The following UTRN variants were observed in gnomAD, a reference collection of about 807,000 sequenced individuals.
UTRN encodes the protein dystrophin-related protein 1.
UTRN carries 283 observed loss-of-function variants against 463.9 expected under a neutral mutation model. The ratio of observed to expected loss-of-function variants is 0.61; its 90% CI spans 0.55 to 0.67. The LOEUF (loss-of-function observed/expected upper bound fraction) is 0.67. UTRN is among the 30% of genes least tolerant of loss of function. The pLI, the probability that UTRN is intolerant of heterozygous loss-of-function variation, is 0.00. For missense variants in UTRN, 3,922 were observed against 4,084.3 expected (o/e 0.96, Z 1.08); for synonymous variants, 1,442 against 1,431.5 (o/e 1.01, Z -0.17).
intron 43 of UTRN, among the ~76,000 whole-genome samples, chr6:144,536,484 T>A (rs1235853558): frequency 6.6e-6 from 1 of 152,132 alleles, no homozygotes; most frequent in East Asian, 1.9e-4. Context: ...TCTTTCTTGA[T>A]GGATACTTAA....
intron 45 of UTRN, among the ~76,000 whole-genome samples, chr6:144,541,059 C>A (rs942026510): frequency 2.0e-5 from 3 of 152,204 alleles, no homozygotes; most frequent in African/African-American, 7.2e-5. Flanking sequence ...CACTCATCTC[C>A]CCTGCTTCTT....
At chr6:144,363,928 A>C (rs936764712) in intron 2 of UTRN, among the ~76,000 whole-genome samples, 1 of 152,202 alleles carries the variant, frequency 6.6e-6, no homozygotes, top group African/African-American at 2.4e-5. Flanking sequence ...TCTGAATTTA[A>C]AGGCAGTGGG....
chr6:144,449,954 C>G (rs887966614), intron 17 of UTRN, among the ~76,000 whole-genome samples: 2 of 152,026 alleles, frequency 1.3e-5, no homozygotes, highest in East Asian at 3.9e-4. Flanking sequence ...GTGAGGATTC[C>G]TTGAGTTAAT....
At position 144,554,790 on chromosome 6, in the gene UTRN, A is replaced by T; in HGVS notation, c.7031A>T (p.His2344Leu). Residue 2344 changes from histidine to leucine, a missense_variant, in exon 49 of 75, where the codon CAT becomes CTT. His to Leu is a moderately conservative substitution (Grantham distance 99). This residue lies in a region of UTRN where 1,309 missense variants were observed against 1,452.6 expected (regional missense o/e 0.90). Coordinates refer to ENST00000367545, the MANE Select transcript of UTRN (RefSeq NM_007124.3). ...ATTGACAGTCTTCAGTGGGATGACCATAGGGAGGAGACTGAAGAACTGATG... is the reference window on the plus strand; with the variant it reads ...ATTGACAGTCTTCAGTGGGATGACCTTAGGGAGGAGACTGAAGAACTGATG... Reference protein sequence around the residue: ...MIIDSLQWDDHREETEELMRK... With the variant: ...MIIDSLQWDDLREETEELMRK... 1 of 1,614,122 alleles carries T rather than the reference A, an allele frequency of 6.2e-7. No individual in the cohort carries two copies. Among genetic ancestry groups the T allele is most frequent in the Non-Finnish European group, 8.5e-7 (1 of 1,179,994 alleles).
chr6:144,821,791 C>A (rs1048911451), intron 66 of UTRN, among the ~76,000 whole-genome samples: 1 of 151,978 alleles, frequency 6.6e-6, no homozygotes. Context: ...GATTTTAAAT[C>A]TTTGAATTGC....
chr6:144,505,625 T>G (rs140366529), intron 34 of UTRN, among the ~76,000 whole-genome samples: 1 of 152,242 alleles, frequency 6.6e-6, no homozygotes, highest in Non-Finnish European at 1.5e-5. Context: ...AGACTGTTTG[T>G]TACGATTTCT....
At chr6:144,659,124 A>G (rs1779608449) in intron 51 of UTRN, among the ~76,000 whole-genome samples, 1 of 152,128 alleles carries the variant, frequency 6.6e-6, no homozygotes, top group African/African-American at 2.4e-5. Flanking sequence ...TGTGATTTGT[A>G]TTGTTTTGTA....
In UTRN at chr6:144,301,539, T is replaced by TC. The variant is rs1273918828; in HGVS notation, c.79+9632_79+9633insC. Among the ~76,000 whole-genome samples, 4 of 72,534 alleles carry TC rather than the reference T, an allele frequency of 5.5e-5. No individual in the cohort carries two copies. The African/African-American group carries it at 1.3e-3, about 24-fold the overall frequency. The allele number at this position is 72,534 out of a possible 152,430, so 47.6% of individuals were successfully genotyped here. Reference sequence around the variant, plus strand: ...GCCATCCTATCTTTCTTTCTTTCTTTTTTTTTTTTTTTTTTTTTTTTTGAG... The same window carrying TC: ...GCCATCCTATCTTTCTTTCTTTCTTTCTTTTTTTTTTTTTTTTTTTTTTGAG... On this transcript the variant is annotated intron_variant, in intron 2 of 74. Transcript: ENST00000367545.
chr6:144,326,000 G>A (rs2114594539), intron 2 of UTRN, among the ~76,000 whole-genome samples: 2 of 151,352 alleles, frequency 1.3e-5, no homozygotes, highest in Middle Eastern at 6.8e-3. Context: ...AAGTCTTATA[G>A]ATAATGTCTG....
At chr6:144,333,554 A>G (rs1275971132) in intron 2 of UTRN, among the ~76,000 whole-genome samples, 3 of 152,220 alleles carry the variant, frequency 2.0e-5, no homozygotes, top group African/African-American at 7.2e-5. Context: ...TGGCACATTG[A>G]AAGAAAGGAA....
In UTRN at chr6:144,634,443, G is replaced by A. The variant is rs114853238; in HGVS notation, c.7480-43963G>A. On this transcript the variant is annotated intron_variant, in intron 51 of 74. Coordinates refer to ENST00000367545, the MANE Select transcript of UTRN (RefSeq NM_007124.3). ...CCCACAGATGCATGGCTGGGATGGC[G>A]TAAGTTCTTTTCTGTTTCTGGCAGC... Among the ~76,000 whole-genome samples the A allele has an allele frequency of 2.6e-3, 400 of 152,288 alleles. 2 individuals carry two copies. Among genetic ancestry groups the A allele is most frequent in the African/African-American group, 9.0e-3 (375 of 41,562 alleles).
rs2128572814 is a variant in UTRN, at chr6:144,479,808, G to T, written c.3337-4G>T. The T allele has an allele frequency of 1.2e-6, 2 of 1,611,176 alleles. No homozygotes were observed. The highest frequency in any genetic ancestry group is 1.7e-6 in the Non-Finnish European group (2 of 1,178,696). ...TATTTGGGGGAATGGCTTTTCCTTT[G>T]TAGATCGCTACTCAAAAAAGTAGGT... On this transcript the variant is annotated splice_region_variant and splice_polypyrimidine_tract_variant and intron_variant, in intron 25 of 74. Transcript: ENST00000367545.
chr6:144,287,236 C>T (rs1208765441), intron 1 of UTRN, among the ~76,000 whole-genome samples: 1 of 152,172 alleles, frequency 6.6e-6, no homozygotes, highest in Non-Finnish European at 1.5e-5. Flanking sequence ...CCATTCCCCG[C>T]CCCTTTTACC....
In UTRN at chr6:144,423,600, G is replaced by A; in HGVS notation, c.286G>A (p.Val96Met). 6.2e-7 allele frequency: 1 copy of A among 1,614,220 alleles called. No individual in the cohort carries two copies. The highest frequency in any genetic ancestry group is 1.3e-5 in the African/African-American group (1 of 75,056). ...ACATGCCTTAAATAACGTCAACAGA[G>A]TGCTGCAGGTTTTACATCAGAACAA... Reference protein sequence around the residue: ...RVHALNNVNRVLQVLHQNNVE... With the variant: ...RVHALNNVNRMLQVLHQNNVE... Residue 96 changes from valine (V) to methionine (M), a missense_variant, in exon 5 of 75, where the codon GTG (valine) becomes ATG (methionine). Transcript: ENST00000367545.
intron 2 of UTRN, among the ~76,000 whole-genome samples, chr6:144,386,253 G>A (rs1009706015): frequency 6.6e-5 from 10 of 152,084 alleles, no homozygotes; most frequent in East Asian, 1.9e-4. Flanking sequence ...CTTGAGCCCC[G>A]GAGTTCGAGA....
intron 2 of UTRN, among the ~76,000 whole-genome samples, chr6:144,353,527 G>C (rs2114664764): frequency 6.6e-6 from 1 of 152,124 alleles, no homozygotes; most frequent in East Asian, 1.9e-4. Flanking sequence ...CAAAGTGCTG[G>C]GATAACAGGC....
At chr6:144,427,793 G>T (rs1404516636) in intron 7 of UTRN, among the ~76,000 whole-genome samples, 2 of 152,100 alleles carry the variant, frequency 1.3e-5, no homozygotes, top group East Asian at 3.8e-4. Flanking sequence ...ATACGTGTGG[G>T]GTGCCTTTTA....
At chr6:144,738,814 A>C (rs1789728632) in intron 54 of UTRN, among the ~76,000 whole-genome samples, 1 of 152,316 alleles carries the variant, frequency 6.6e-6, no homozygotes, top group South Asian at 2.1e-4. Context: ...CTACTATTTT[A>C]TTTAAGCTGC....
At chr6:144,420,627 T>A (rs544707018) in intron 3 of UTRN, among the ~76,000 whole-genome samples, 1 of 152,366 alleles carries the variant, frequency 6.6e-6, no homozygotes, top group South Asian at 2.1e-4. Flanking sequence ...TCAGTTAAAA[T>A]CTTGGACTGG....
Sources: gnomAD v4.1 joint callset for allele counts (sites outside exome capture counted in the v4.1 genomes callset) on GRCh38, gnomAD v4.1.1 for gene constraint, gnomAD v4.1.1 regional missense constraint, MANE v1.5 for transcripts, NCBI Gene and HGNC (gene_info 2026-07-23, HGNC 2026-07-21) for gene names.